CDK20: variants seen among roughly 807,000 people sequenced by gnomAD.
CDK20 encodes cyclin-dependent kinase 20.
CDK20 carries 40 observed loss-of-function variants against 38.6 expected under a neutral mutation model. That is an observed-to-expected ratio of 1.04 (90% confidence interval 0.81 to 1.35). The LOEUF (loss-of-function observed/expected upper bound fraction) is 1.35, where lower values mean the gene tolerates loss of function less well. Ranked by LOEUF, CDK20 falls within the 40% of genes most tolerant of loss-of-function variation. The pLI, the probability that CDK20 is intolerant of heterozygous loss-of-function variation, is 0.00. For synonymous variants in CDK20, 209 were observed against 185.7 expected, an observed-to-expected ratio of 1.13 and a Z score of -1.02; for missense variants, 512 against 452.6, an observed-to-expected ratio of 1.13 and a Z score of -1.19.
At chr9:87,969,442 C>CA (rs1337676259) in intron 6 of CDK20, 93 bp from the exon 7 acceptor site, 20 of 1,368,780 alleles carry the variant, frequency 1.5e-5, no homozygotes, top group Non-Finnish European at 1.8e-5. Context: ...AACACACACT[C>CA]ACATGGGGGG....
chr9:87,970,003 T>C, intron 5 of CDK20, 84 bp from the exon 6 acceptor site: 1 of 1,440,244 alleles, frequency 6.9e-7, no homozygotes, highest in South Asian at 1.5e-5. Flanking sequence ...AACACTGCAC[T>C]CCAGGGCAAG....
intron 1 of CDK20, 24 bp downstream of exon 1, chr9:87,974,348 C>T (rs1350591172): frequency 9.3e-6 from 15 of 1,607,966 alleles, no homozygotes; most frequent in Non-Finnish European, 1.2e-5. Context: ...CCCCGCCAGG[C>T]TGCCGGCCGC....
chr9:87,970,561 G>A lies in CDK20; in HGVS notation c.563+7C>T. ...TGTTACCCTTTGACCACCCACAGGG[G>A]TCTCACCACAGATCGACGCCCTGGT... On this transcript the variant is annotated splice_region_variant and intron_variant, in intron 5 of 7. Transcript: ENST00000325303. The A allele has an allele frequency of 6.2e-7, 1 of 1,613,356 alleles. No homozygotes were observed. Among genetic ancestry groups the A allele is most frequent in the Non-Finnish European group, 8.5e-7 (1 of 1,179,472 alleles).
Position 87,966,729 on chromosome 9 carries a change from C to T in CDK20, c.*733G>A, listed in dbSNP as rs563921089. ...GAGGGAGTAGATGTTGGTAAACCAG[C>T]CTCATGTGCAGAGGGTCTCCTGCTG... On this transcript the variant is annotated 3_prime_UTR_variant, in exon 8 of 8. Transcript: ENST00000325303. 10 of 271,520 alleles carry T rather than the reference C, an allele frequency of 3.7e-5. No homozygotes were observed. Among genetic ancestry groups the T allele is most frequent in the Non-Finnish European group, 5.1e-5 (7 of 137,228 alleles). The allele number at this position is 271,520 out of a possible 1,614,324, so 16.8% of individuals were successfully genotyped here.
At position 87,970,590 on chromosome 9, in the gene CDK20, A is replaced by G. The variant is rs1829775407; in HGVS notation, c.541T>C (p.Tyr181His). 1 of 1,613,958 alleles carries G rather than the reference A, an allele frequency of 6.2e-7. No homozygotes were observed. The highest frequency in any genetic ancestry group is 1.1e-5 in the South Asian group (1 of 91,074). Residue 181 changes from tyrosine to histidine, a missense_variant, in exon 5 of 8, where the codon TAT becomes CAT. Tyr to His is a moderately conservative substitution (Grantham distance 83). Transcript: ENST00000325303. ...APELLYGARQ[Y>H]DQGVDLWSVG... is the part of the protein sequence containing the mutation. ...CACCACAGATCGACGCCCTGGTCATACTGGCGGGCACCATACAGGAGCTCG... is the reference window on the plus strand; with the variant it reads ...CACCACAGATCGACGCCCTGGTCATGCTGGCGGGCACCATACAGGAGCTCG...
chr9:87,968,880 C>T, intron 7 of CDK20: 3 of 379,004 alleles, frequency 7.9e-6, no homozygotes, highest in Non-Finnish European at 1.5e-5. Context: ...GACTCTCTTA[C>T]TGTATCTGCC....
At chr9:87,974,161 G>T in intron 1 of CDK20, 126 bp from the exon 2 acceptor site, 3 of 1,506,204 alleles carry the variant, frequency 2.0e-6, no homozygotes, top group East Asian at 4.6e-5. Flanking sequence ...CCTCCTCGGG[G>T]GTCTAGGACT....
In CDK20 at chr9:87,969,054, C is replaced by T. The variant is rs893171272; in HGVS notation, c.843+140G>A. 10 of 996,086 alleles carry T rather than the reference C, an allele frequency of 1.0e-5. No individual in the cohort carries two copies. The African/African-American group carries it at 1.5e-4, about 15-fold the overall frequency. The allele number at this position is 996,086 out of a possible 1,614,324, so 61.7% of individuals were successfully genotyped here. ...TCCAAGGCCCCTGTCCCCTGGGTTC[C>T]AGATGTCTGGTGCTGGTCCATGCCA... On this transcript the variant is annotated intron_variant, in intron 7 of 7. Coordinates refer to ENST00000325303, the MANE Select transcript of CDK20 (RefSeq NM_001039803.3).
chr9:87,967,257 C>T lies in CDK20; in HGVS notation c.*205G>A, dbSNP rs779234026. The T allele has an allele frequency of 1.3e-5, 9 of 701,082 alleles. No individual in the cohort carries two copies. The highest frequency in any genetic ancestry group is 3.5e-5 in the African/African-American group (2 of 57,398). The allele number at this position is 701,082 out of a possible 1,614,324, so 43.4% of individuals were successfully genotyped here. ...ACCGAGCACAGGCCATGAATCTCCT[C>T]TGCTCGACTGGATGTTCTCATACTC... On this transcript the variant is annotated 3_prime_UTR_variant, in exon 8 of 8. Transcript: ENST00000325303.
In CDK20 at chr9:87,969,703, G is replaced by C. The variant is rs1038285017; in HGVS notation, c.687+93C>G. On this transcript the variant is annotated intron_variant, in intron 6 of 7. Transcript: ENST00000325303. ...TGTCCATCAAGGGGGGTTGGGGCCA[G>C]GAGAGAGAAGGTTCAGGGGAGGGAG... The C allele has an allele frequency of 2.5e-6, 4 of 1,572,440 alleles. No individual in the cohort carries two copies. The South Asian group carries it at 4.6e-5, about 18-fold the overall frequency.
chr9:87,971,390 T>C, intron 2 of CDK20, 55 bp from the exon 3 acceptor site: 1 of 1,518,252 alleles, frequency 6.6e-7, no homozygotes, highest in Non-Finnish European at 9.0e-7. Flanking sequence ...ACCCTCTCTG[T>C]GACCCTGAGA....
intron 6 of CDK20, 83 bp downstream of exon 6, chr9:87,969,713 G>A: frequency 1.3e-6 from 2 of 1,587,788 alleles, no homozygotes; most frequent in African/African-American, 2.7e-5. Flanking sequence ...GGAGAGAGAA[G>A]GTTCAGGGGA....
chr9:87,969,855 T>TG lies in CDK20; in HGVS notation c.627_628insC (p.Ile210HisfsTer2). ...CGAAGCACATAGCAAAGCTGTTCAA[T>TG]ATCGTTCTTGCCCGGGAAAAGGGGG... is the stretch of plus-strand genomic sequence containing the variant. On this transcript the variant is annotated frameshift_variant, in exon 6 of 8. Transcript: ENST00000325303. LOFTEE classifies it high-confidence loss of function. 8.7e-6 allele frequency: 14 copies of TG among 1,611,598 alleles called. No homozygotes were observed. Among genetic ancestry groups the TG allele is most frequent in the Non-Finnish European group, 1.2e-5 (14 of 1,178,748 alleles).
In CDK20 at chr9:87,970,604, T is replaced by C; in HGVS notation, c.527A>G (p.Tyr176Cys). 1.2e-6 allele frequency: 2 copies of C among 1,613,994 alleles called. No individual in the cohort carries two copies. The highest frequency in any genetic ancestry group is 1.6e-4 in the Middle Eastern group (1 of 6,062). The change falls in exon 5 of 8, where the codon TAT (tyrosine) becomes TGT (cysteine). Residue 176 changes from tyrosine to cysteine, a missense_variant. Physicochemically the swap from Tyr to Cys is radical, Grantham distance 194. Coordinates refer to ENST00000325303, the MANE Select transcript of CDK20 (RefSeq NM_001039803.3). Reference protein sequence around the residue: ...TRWYRAPELLYGARQYDQGVD... With the variant: ...TRWYRAPELLCGARQYDQGVD... ...GCCCTGGTCATACTGGCGGGCACCA[T>C]ACAGGAGCTCGGGGGCTCGGTACCA...
At chr9:87,967,867 G>A (rs1014049931) in intron 7 of CDK20, 7 of 530,250 alleles carry the variant, frequency 1.3e-5, no homozygotes, top group South Asian at 1.3e-4. Context: ...TGACATAAGT[G>A]AGGGTGGGGG....
chr9:87,971,926 G>T (rs1196331427), intron 2 of CDK20, among the ~76,000 whole-genome samples: 1 of 152,212 alleles, frequency 6.6e-6, no homozygotes, highest in East Asian at 1.9e-4. Flanking sequence ...CAAGGGGGCT[G>T]GGCATGACGT....
Position 87,966,686 on chromosome 9 carries a change from C to G in CDK20, c.*776G>C, listed in dbSNP as rs751066373. 98 of 187,804 alleles carry G rather than the reference C, an allele frequency of 5.2e-4. No homozygotes were observed. The highest frequency in any genetic ancestry group is 1.7e-4 in the Non-Finnish European group (15 of 88,396). The allele number at this position is 187,804 out of a possible 1,614,324, so 11.6% of individuals were successfully genotyped here. A position where few individuals can be genotyped will look rare whatever the true frequency, so the allele number is the denominator to read the frequency against. ...TGTTTCCTTAAATACACAGCTGCTTCTGGCTCACGCTCATCCTGAGGGAGT... is the reference window on the plus strand; with the variant it reads ...TGTTTCCTTAAATACACAGCTGCTTGTGGCTCACGCTCATCCTGAGGGAGT... On this transcript the variant is annotated 3_prime_UTR_variant, in exon 8 of 8. Coordinates refer to ENST00000325303, the MANE Select transcript of CDK20 (RefSeq NM_001039803.3).
intron 4 of CDK20, 22 bp from the exon 5 acceptor site, chr9:87,970,652 G>A (rs1376294769): frequency 3.1e-6 from 5 of 1,613,960 alleles, no homozygotes; most frequent in Non-Finnish European, 4.2e-6. Flanking sequence ...AGGGCTGGCA[G>A]GCACTGGGCT....
At chr9:87,967,740 A>G (rs1294763687) in intron 7 of CDK20, 81 bp from the exon 8 acceptor site, 16 of 1,240,624 alleles carry the variant, frequency 1.3e-5, no homozygotes, top group African/African-American at 9.2e-5. Context: ...TCCTTCATCT[A>G]TGCATTCAGC....
Sources: gnomAD v4.1 joint callset for allele counts (sites outside exome capture counted in the v4.1 genomes callset) on GRCh38, gnomAD v4.1.1 for gene constraint, MANE v1.5 for transcripts, NCBI Gene and HGNC (gene_info 2026-07-23, HGNC 2026-07-21) for gene names.